Variants in ADAMTS12 observed in about 807,000 individuals in gnomAD.
ADAMTS12 encodes the protein A disintegrin and metalloproteinase with thrombospondin motifs 12.
In ADAMTS12, 118 loss-of-function variants were observed where a neutral mutation model predicts 167.8. The ratio of observed to expected loss-of-function variants is 0.70; its 90% CI spans 0.61 to 0.82. ADAMTS12 has a LOEUF of 0.82. Ranked by LOEUF, ADAMTS12 falls within the 40% of genes least tolerant of loss-of-function variation. The pLI is 0.00. For synonymous variants in ADAMTS12, 704 were observed against 716.9 expected (o/e 0.98, Z 0.29); for missense variants, 1,916 against 1,998.8 (o/e 0.96, Z 0.79).
chr5:33,578,276 A>G lies in ADAMTS12; in HGVS notation c.2866-1116T>C, dbSNP rs575237434. Reference sequence around the variant, plus strand: ...GCAAACATTATTCTGTGTGATATACATGACGTCCCTATGAGATGTACAAGG... The same window carrying G: ...GCAAACATTATTCTGTGTGATATACGTGACGTCCCTATGAGATGTACAAGG... On this transcript the variant is annotated intron_variant, in intron 18 of 23. Coordinates refer to ENST00000504830, the MANE Select transcript of ADAMTS12 (RefSeq NM_030955.4). Among the ~76,000 whole-genome samples the G allele has an allele frequency of 1.6e-4, 25 of 152,322 alleles. No homozygotes were observed. The South Asian group carries it at 4.8e-3, about 29-fold the overall frequency.
intron 2 of ADAMTS12, among the ~76,000 whole-genome samples, chr5:33,810,920 G>C (rs1392284407): frequency 1.3e-5 from 2 of 152,168 alleles, no homozygotes; most frequent in Non-Finnish European, 2.9e-5. Context: ...CACTCCCTGT[G>C]CTCCTTGTCC....
chr5:33,633,477 G>A (rs6451005), intron 12 of ADAMTS12, among the ~76,000 whole-genome samples: 118,966 of 151,384 alleles, frequency 0.79, 48,305 homozygotes, highest in Non-Finnish European at 0.89. Context: ...CAGCATACAG[G>A]TCCTCTGCTG....
At chr5:33,835,416 C>T (rs1212763190) in intron 2 of ADAMTS12, among the ~76,000 whole-genome samples, 4 of 152,180 alleles carry the variant, frequency 2.6e-5, no homozygotes, top group Non-Finnish European at 5.9e-5. Context: ...CTTACTCCAT[C>T]CAGGCTGCTA....
rs534990966 is a variant in ADAMTS12, at chr5:33,860,958, A to T, written c.489+20161T>A. On this transcript the variant is annotated intron_variant, in intron 2 of 23. Coordinates refer to ENST00000504830, the MANE Select transcript of ADAMTS12 (RefSeq NM_030955.4). ...AGCTTCATAAGCAAAGGAGAAATAA[A>T]ATCCTTTACACACAAGCAAATGCTG... 1.7e-4 allele frequency among the ~76,000 whole-genome samples: 26 copies of T among 152,270 alleles called. No homozygotes were observed. The East Asian group carries it at 4.8e-3, about 28-fold the overall frequency.
chr5:33,884,732 T>C (rs1465886554), intron 1 of ADAMTS12, among the ~76,000 whole-genome samples: 1 of 152,238 alleles, frequency 6.6e-6, no homozygotes, highest in Non-Finnish European at 1.5e-5. Flanking sequence ...CTGAAATTTC[T>C]CTTTAAGTGT....
chr5:33,847,440 T>C (rs1048756564), intron 2 of ADAMTS12, among the ~76,000 whole-genome samples: 3 of 151,984 alleles, frequency 2.0e-5, no homozygotes, highest in African/African-American at 7.2e-5. Context: ...CTGACCAACA[T>C]GGAGAAACCC....
intron 12 of ADAMTS12, among the ~76,000 whole-genome samples, chr5:33,632,062 C>T (rs1364639724): frequency 1.3e-5 from 2 of 151,642 alleles, no homozygotes; most frequent in African/African-American, 4.8e-5. Flanking sequence ...GCAAAAGCTC[C>T]AAATGCTGAA....
At chr5:33,549,177 A>G (rs1247089080) in intron 21 of ADAMTS12, 30 bp downstream of exon 21, 1 of 1,602,142 alleles carries the variant, frequency 6.2e-7, no homozygotes, top group Non-Finnish European at 8.5e-7. Context: ...AGGTTGTGTG[A>G]GGACATCTCT....
At chr5:33,816,321 T>C (rs1049942420) in intron 2 of ADAMTS12, among the ~76,000 whole-genome samples, 5 of 152,216 alleles carry the variant, frequency 3.3e-5, no homozygotes, top group African/African-American at 9.6e-5. Flanking sequence ...GTTTTTGTGA[T>C]AATATTTTAA....
intron 2 of ADAMTS12, among the ~76,000 whole-genome samples, chr5:33,778,148 T>A (rs953275722): frequency 6.6e-6 from 1 of 152,128 alleles, no homozygotes; most frequent in Non-Finnish European, 1.5e-5. Flanking sequence ...TCCAATGGCA[T>A]TTTTCACATA....
chr5:33,834,525 C>T (rs1027975043), intron 2 of ADAMTS12, among the ~76,000 whole-genome samples: 2 of 152,192 alleles, frequency 1.3e-5, no homozygotes, highest in Non-Finnish European at 2.9e-5. Flanking sequence ...GAAAAACCCA[C>T]TCCTCACTCA....
intron 11 of ADAMTS12, 109 bp downstream of exon 11, chr5:33,641,701 A>T: frequency 2.6e-6 from 3 of 1,139,010 alleles, no homozygotes; most frequent in South Asian, 2.9e-5. Flanking sequence ...AACCCATTTA[A>T]TTTACCTGGA....
At chr5:33,848,905 A>T (rs1320631781) in intron 2 of ADAMTS12, among the ~76,000 whole-genome samples, 1 of 151,996 alleles carries the variant, frequency 6.6e-6, no homozygotes, top group Non-Finnish European at 1.5e-5. Context: ...TTATACACAC[A>T]CATGATATAT....
In ADAMTS12 at chr5:33,615,922, T is replaced by C; in HGVS notation, c.2294A>G (p.Tyr765Cys). The C allele has an allele frequency of 1.9e-6, 3 of 1,614,180 alleles. No homozygotes were observed. The highest frequency in any genetic ancestry group is 8.5e-7 in the Non-Finnish European group (1 of 1,180,012). The part of the protein sequence containing the change: ...GGFIIQWNGN[Y>C]KLAGTVFQYD... ...CTGAAAGACAGTCCCTGCCAGCTTA[T>C]AGTTCCCGTTCCACTGGATAATAAA... Residue 765 changes from tyrosine (Y) to cysteine (C), a missense_variant, in exon 15 of 24, where the codon TAT (tyrosine) becomes TGT (cysteine). By Grantham distance (194) the Tyr-to-Cys change is radical (BLOSUM62 -2). Transcript: ENST00000504830.
intron 3 of ADAMTS12, among the ~76,000 whole-genome samples, chr5:33,710,969 G>A (rs1038660233): frequency 6.6e-6 from 1 of 152,078 alleles, no homozygotes; most frequent in Non-Finnish European, 1.5e-5. Flanking sequence ...AGATAGGCAG[G>A]GCCAAATGAT....
chr5:33,534,143 C>G (rs1380589055), intron 23 of ADAMTS12, among the ~76,000 whole-genome samples: 1 of 152,202 alleles, frequency 6.6e-6, no homozygotes, highest in East Asian at 1.9e-4. Flanking sequence ...TGTAAATTCA[C>G]TTCTCCTGGG....
chr5:33,745,324 A>G (rs1744741517), intron 3 of ADAMTS12, among the ~76,000 whole-genome samples: 2 of 152,222 alleles, frequency 1.3e-5, no homozygotes, highest in South Asian at 4.1e-4. Context: ...AAAGCTACTT[A>G]TTCATTGCCC....
chr5:33,670,972 C>T (rs747089971), intron 5 of ADAMTS12, among the ~76,000 whole-genome samples: 5 of 152,096 alleles, frequency 3.3e-5, no homozygotes, highest in African/African-American at 7.2e-5. Flanking sequence ...TAGAATACCA[C>T]TCAGCAAAAA....
intron 2 of ADAMTS12, among the ~76,000 whole-genome samples, chr5:33,776,586 A>G (rs937116796): frequency 6.6e-6 from 1 of 152,186 alleles, no homozygotes; most frequent in African/African-American, 2.4e-5. Flanking sequence ...TCTAAGAAAG[A>G]AGTTTGTAGC....
Sources: gnomAD v4.1 joint callset for allele counts (sites outside exome capture counted in the v4.1 genomes callset) on GRCh38, gnomAD v4.1.1 for gene constraint, MANE v1.5 for transcripts, NCBI Gene and HGNC (gene_info 2026-07-23, HGNC 2026-07-21) for gene names.